Variants in CEP57L1 observed in about 807,000 individuals in gnomAD.
CEP57L1 encodes the protein centrosomal protein CEP57L1.
CEP57L1 carries 37 observed loss-of-function variants against 61.0 expected under a neutral mutation model. The observed-to-expected ratio is 0.61, with a 90% CI of 0.47 to 0.80. The LOEUF (loss-of-function observed/expected upper bound fraction) is 0.80. Among genes scored for constraint, CEP57L1 ranks in the 30% least tolerant of loss-of-function variants. CEP57L1 has a pLI of 0.00. For missense variants in CEP57L1, 422 were observed against 524.7 expected (o/e 0.80, Z 1.91); for synonymous variants, 137 against 162.3 (o/e 0.84, Z 1.19).
Position 109,159,057 on chromosome 6 carries a change from G to A in CEP57L1, c.777G>A (p.Trp259Ter), listed in dbSNP as rs1773482421. ...AATGTATAAAGAGACGACCACCTTG[G>A]CAAATTTGTTCAAAGTTTGGAGCAC... ...KTKCIKRRPP[W>*]QICSKFGALP... The change falls in exon 8 of 11, where the codon TGG (tryptophan) becomes TGA (stop). Residue 259 changes from tryptophan to a stop codon, truncating the protein, a stop_gained. Coordinates refer to ENST00000517392, the MANE Select transcript of CEP57L1 (RefSeq NM_001271852.3). LOFTEE classifies it high-confidence loss of function. 1 of 1,613,750 alleles carries A rather than the reference G, an allele frequency of 6.2e-7. No individual in the cohort carries two copies. The highest frequency in any genetic ancestry group is 8.5e-7 in the Non-Finnish European group (1 of 1,179,936).
Position 109,162,993 on chromosome 6 carries a change from T to G in CEP57L1, c.*23T>G. ...TAACAAAACAGCAAAACTGTCACCT[T>G]AATGAACTTTGTCAGTGAGACCTTG... On this transcript the variant is annotated 3_prime_UTR_variant, in exon 11 of 11. Coordinates refer to ENST00000517392, the MANE Select transcript of CEP57L1 (RefSeq NM_001271852.3). The G allele has an allele frequency of 1.3e-6, 2 of 1,492,100 alleles. No homozygotes were observed. Among genetic ancestry groups the G allele is most frequent in the Non-Finnish European group, 1.9e-6 (2 of 1,073,384 alleles). 92.4% of individuals were successfully genotyped at this position (1,492,100 alleles called of 1,614,324 possible). A position where few individuals can be genotyped will look rare whatever the true frequency, so the allele number is the denominator to read the frequency against.
intron 1 of CEP57L1, among the ~76,000 whole-genome samples, chr6:109,123,994 C>A (rs184513774): frequency 6.6e-6 from 1 of 152,124 alleles, no homozygotes; most frequent in African/African-American, 2.4e-5. Context: ...TTGCTTGAAC[C>A]CAGAAGGTGG....
chr6:109,142,621 GA>G (rs377523803), intron 1 of CEP57L1, among the ~76,000 whole-genome samples: 16,487 of 140,434 alleles, frequency 0.12, 959 homozygotes, highest in Middle Eastern at 0.22. Flanking sequence ...AAAATTTTAA[GA>G]AAAAAAAAAA....
intron 1 of CEP57L1, among the ~76,000 whole-genome samples, chr6:109,109,293 T>G (rs1025216661): frequency 2.6e-5 from 4 of 152,216 alleles, no homozygotes; most frequent in African/African-American, 9.6e-5. Context: ...CATCTTCATT[T>G]TGGAAATTTA....
intron 1 of CEP57L1, among the ~76,000 whole-genome samples, chr6:109,106,590 G>A (rs1157271477): frequency 5.9e-5 from 9 of 152,076 alleles, no homozygotes; most frequent in Admixed American, 3.3e-4. Flanking sequence ...TCTATTTTAA[G>A]TATAGTAGTT....
chr6:109,149,260 G>A (rs1430464041), intron 3 of CEP57L1, among the ~76,000 whole-genome samples: 6 of 152,138 alleles, frequency 3.9e-5, no homozygotes, highest in South Asian at 4.1e-4. Context: ...TAGGTCTAAC[G>A]TTTAAGTCTT....
intron 1 of CEP57L1, among the ~76,000 whole-genome samples, chr6:109,101,234 G>A (rs921301901): frequency 2.6e-5 from 4 of 152,200 alleles, no homozygotes; most frequent in African/African-American, 9.7e-5. Flanking sequence ...TAATTAATTA[G>A]GGAACAGATA....
chr6:109,164,321 T>C lies in CEP57L1; in HGVS notation c.*1351T>C, dbSNP rs1773954137. Among the ~76,000 whole-genome samples, 1 of 152,150 alleles carries C rather than the reference T, an allele frequency of 6.6e-6. No homozygotes were observed. Among genetic ancestry groups the C allele is most frequent in the Non-Finnish European group, 1.5e-5 (1 of 68,036 alleles). On this transcript the variant is annotated 3_prime_UTR_variant, in exon 11 of 11. Coordinates refer to ENST00000517392, the MANE Select transcript of CEP57L1 (RefSeq NM_001271852.3). ...AGAGAACTATAATTCATTCTAATGG[T>C]GAGGAGAGATACCATGTTAGAATAC...
chr6:109,111,691 C>T (rs187309496), intron 1 of CEP57L1, among the ~76,000 whole-genome samples: 78 of 152,192 alleles, frequency 5.1e-4, no homozygotes, highest in African/African-American at 1.5e-3. Context: ...TTTTGAGATG[C>T]GTTCCATCAA....
intron 1 of CEP57L1, among the ~76,000 whole-genome samples, chr6:109,143,638 T>A (rs1334156756): frequency 6.6e-6 from 1 of 152,180 alleles, no homozygotes; most frequent in African/African-American, 2.4e-5. Context: ...TTCTAACTAG[T>A]CATTATTTCA....
chr6:109,114,538 G>A (rs1188437307), intron 1 of CEP57L1, among the ~76,000 whole-genome samples: 1 of 151,720 alleles, frequency 6.6e-6, no homozygotes, highest in Non-Finnish European at 1.5e-5. Flanking sequence ...CAACAACATG[G>A]ATGAACCTAG....
chr6:109,133,267 C>G (rs906642392), intron 1 of CEP57L1, among the ~76,000 whole-genome samples: 7 of 152,136 alleles, frequency 4.6e-5, no homozygotes, highest in African/African-American at 1.7e-4. Flanking sequence ...GGGGATGAAA[C>G]AGTTTCACCC....
At chr6:109,128,156 A>G (rs1008282606) in intron 1 of CEP57L1, among the ~76,000 whole-genome samples, 11 of 152,140 alleles carry the variant, frequency 7.2e-5, no homozygotes, top group Non-Finnish European at 1.5e-4. Context: ...CTCCAGATTC[A>G]TATTTCAGTC....
rs759389630 is a variant in CEP57L1 at position 109,174,109 on chromosome 6, A to AAAAAAAAAAC, written c.*11144_*11145insAAAACAAAAA. On this transcript the variant is annotated 3_prime_UTR_variant, in exon 11 of 11. Transcript: ENST00000517392. ...AGTGAGTCTTGGTCTCAAAAAAAAA[A>AAAAAAAAAAC]AAAAACCTTGTGTTGGAAACCATCT... is the stretch of plus-strand genomic sequence containing the variant. 0.092 allele frequency among the ~76,000 whole-genome samples: 13,618 copies of AAAAAAAAAAC among 147,970 alleles called. 689 individuals carry two copies. The highest frequency in any genetic ancestry group is 0.17 in the Middle Eastern group (47 of 282).
intron 6 of CEP57L1, among the ~76,000 whole-genome samples, chr6:109,155,527 C>T (rs534005674): frequency 7.9e-5 from 12 of 151,960 alleles, no homozygotes; most frequent in Non-Finnish European, 1.5e-4. Flanking sequence ...CATATATTCT[C>T]AGTTGAAGGA....
chr6:109,173,677 A>G lies in CEP57L1; in HGVS notation c.*10707A>G, dbSNP rs956789837. ...TGGTCTCAAACTCTGGGCTCAAGCA[A>G]TCCTTCCACCTCAGCCTCCCAAAGC... On this transcript the variant is annotated 3_prime_UTR_variant, in exon 11 of 11. Transcript: ENST00000517392. Among the ~76,000 whole-genome samples, 7 of 151,330 alleles carry G rather than the reference A, an allele frequency of 4.6e-5. No homozygotes were observed. Among genetic ancestry groups the G allele is most frequent in the African/African-American group, 1.2e-4 (5 of 41,138 alleles).
At chr6:109,143,682 T>A (rs1384477668) in intron 1 of CEP57L1, among the ~76,000 whole-genome samples, 1 of 152,124 alleles carries the variant, frequency 6.6e-6, no homozygotes, top group African/African-American at 2.4e-5. Context: ...GGACCAGTTT[T>A]TTAACTGGTA....
At chr6:109,101,911 G>T (rs1042619978) in intron 1 of CEP57L1, among the ~76,000 whole-genome samples, 3 of 152,174 alleles carry the variant, frequency 2.0e-5, no homozygotes, top group African/African-American at 4.8e-5. Flanking sequence ...GAGCCACCGC[G>T]CCCAGCCATA....
intron 1 of CEP57L1, among the ~76,000 whole-genome samples, chr6:109,110,865 G>A (rs1470223263): frequency 2.0e-5 from 3 of 152,142 alleles, no homozygotes; most frequent in African/African-American, 2.4e-5. Context: ...TGAGGCCTCT[G>A]TTCTGTTCCA....
Sources: gnomAD v4.1 joint callset for allele counts (sites outside exome capture counted in the v4.1 genomes callset) on GRCh38, gnomAD v4.1.1 for gene constraint, MANE v1.5 for transcripts, NCBI Gene and HGNC (gene_info 2026-07-23, HGNC 2026-07-21) for gene names.